Variants in ZNF385D observed in about 807,000 individuals in gnomAD.
The protein encoded by ZNF385D is zinc finger protein 659.
Under a neutral mutation model 35.8 loss-of-function variants are expected in ZNF385D, and 15 were observed. The observed-to-expected ratio is 0.42, with a 90% confidence interval of 0.28 to 0.64. The LOEUF is 0.64. ZNF385D is among the 30% of genes least tolerant of loss of function. ZNF385D has a pLI of 0.23. For missense variants in ZNF385D, 474 were observed against 494.6 expected, an observed-to-expected ratio of 0.96 and a Z score of 0.39; for synonymous variants, 212 against 186.8, an observed-to-expected ratio of 1.13 and a Z score of -1.10.
At chr3:21,653,796 G>C (rs1053127739) in intron 2 of ZNF385D, among the ~76,000 whole-genome samples, 1 of 151,748 alleles carries the variant, frequency 6.6e-6, no homozygotes, top group Non-Finnish European at 1.5e-5. Flanking sequence ...TTTCTTTATA[G>C]AGCTCCAAAA....
At chr3:22,025,866 G>A (rs1697511151) in intron 3 of ZNF385D, among the ~76,000 whole-genome samples, 1 of 152,190 alleles carries the variant, frequency 6.6e-6, no homozygotes, top group African/African-American at 2.4e-5. Flanking sequence ...GCTCTTCTCT[G>A]TATGTCAGAT....
chr3:21,750,049 G>A (rs2069984777), intron 1 of ZNF385D, among the ~76,000 whole-genome samples: 1 of 152,214 alleles, frequency 6.6e-6, no homozygotes, highest in African/African-American at 2.4e-5. Flanking sequence ...AGGACTTACA[G>A]AAGGAAAGCA....
intron 2 of ZNF385D, among the ~76,000 whole-genome samples, chr3:21,572,597 C>G (rs571145658): frequency 6.6e-6 from 1 of 152,108 alleles, no homozygotes; most frequent in South Asian, 2.1e-4. Context: ...AGAGTTTCCC[C>G]GGGCCCTTGG....
At chr3:21,614,873 C>T (rs571243374) in intron 2 of ZNF385D, among the ~76,000 whole-genome samples, 133 of 152,286 alleles carry the variant, frequency 8.7e-4, no homozygotes, top group African/African-American at 3.2e-3. Context: ...AGGCATAAGC[C>T]ATCGTGCCCG....
chr3:21,812,645 G>T (rs1459839668), intron 3 of ZNF385D, among the ~76,000 whole-genome samples: 1 of 152,228 alleles, frequency 6.6e-6, no homozygotes, highest in East Asian at 1.9e-4. Flanking sequence ...GCAAGGCTGG[G>T]GGAGGGGAGT....
At chr3:21,951,046 ATTAAAC>A (rs1254699550) in intron 3 of ZNF385D, among the ~76,000 whole-genome samples, 17 of 151,676 alleles carry the variant, frequency 1.1e-4, no homozygotes, top group South Asian at 2.1e-4. Flanking sequence ...TTTGGTTCTC[ATTAAAC>A]TTAAAGTAGT....
intron 2 of ZNF385D, among the ~76,000 whole-genome samples, chr3:21,663,910 TA>T (rs2066314778): frequency 1.6e-5 from 2 of 125,152 alleles, no homozygotes; most frequent in Non-Finnish European, 3.3e-5. Context: ...TATATATATA[TA>T]TATATATTTA....
intron 3 of ZNF385D, among the ~76,000 whole-genome samples, chr3:22,024,343 C>T (rs149466180): frequency 6.6e-6 from 1 of 151,854 alleles, no homozygotes; most frequent in Non-Finnish European, 1.5e-5. Context: ...GATAGGATAC[C>T]TATATATCCT....
At chr3:21,687,063 G>A (rs1047284577) in intron 1 of ZNF385D, among the ~76,000 whole-genome samples, 6 of 152,258 alleles carry the variant, frequency 3.9e-5, no homozygotes, top group Non-Finnish European at 8.8e-5. Context: ...TCCTGCCCTG[G>A]CTCTCTGGTA....
intron 3 of ZNF385D, chr3:21,878,170 T>C (rs1698081404): frequency 6.6e-6 from 1 of 151,996 alleles, no homozygotes; most frequent in Admixed American, 6.6e-5. Flanking sequence ...TGAGGAGATA[T>C]TATTACTACG....
Position 21,508,029 on chromosome 3 carries a change from G to GT in ZNF385D, c.439+2831dup, listed in dbSNP as rs368025826. ...TTTGTTTGTTTTTTTGTTTTGTTTT[G>GT]TTTTTTCCTGATATAGGTCCTCATG... On this transcript the variant is annotated intron_variant, in intron 4 of 7. Coordinates refer to ENST00000281523, the MANE Select transcript of ZNF385D (RefSeq NM_024697.3). 2.0e-3 allele frequency among the ~76,000 whole-genome samples: 311 copies of GT among 152,030 alleles called. 1 individual carries two copies. Among genetic ancestry groups the GT allele is most frequent in the African/African-American group, 7.1e-3 (294 of 41,468 alleles).
intron 2 of ZNF385D, among the ~76,000 whole-genome samples, chr3:22,305,500 G>A (rs866112363): frequency 1.3e-4 from 20 of 152,144 alleles, no homozygotes; most frequent in Non-Finnish European, 2.2e-4. Flanking sequence ...TACAGTCAGC[G>A]TTGGGCTCTG....
In ZNF385D at chr3:21,416,791, G is replaced by A. The variant is rs550279380; in HGVS notation, c.*4423C>T. 3 of 152,102 alleles carry A rather than the reference G, an allele frequency of 2.0e-5. No homozygotes were observed. Among genetic ancestry groups the A allele is most frequent in the Admixed American group, 6.6e-5 (1 of 15,262 alleles). The allele number at this position is 152,102 out of a possible 1,614,324, so 9.4% of individuals were successfully genotyped here. ...ACCATTAGTTAAAATACATGCAAAC[G>A]CAGGACAGAATTAGTTATGGCTTAG... On this transcript the variant is annotated 3_prime_UTR_variant, in exon 8 of 8. Coordinates refer to ENST00000281523, the MANE Select transcript of ZNF385D (RefSeq NM_024697.3).
At chr3:21,875,906 A>T (rs1471656269) in intron 3 of ZNF385D, among the ~76,000 whole-genome samples, 2 of 152,158 alleles carry the variant, frequency 1.3e-5, no homozygotes, top group Non-Finnish European at 2.9e-5. Context: ...AAGAATTGAA[A>T]TTGCAACTAG....
chr3:22,226,996 G>A (rs1698597773), intron 2 of ZNF385D, among the ~76,000 whole-genome samples: 1 of 152,140 alleles, frequency 6.6e-6, no homozygotes, highest in South Asian at 2.1e-4. Flanking sequence ...TACTCATGGT[G>A]TGATTCAAGC....
chr3:21,460,329 T>A (rs1464763876), intron 4 of ZNF385D, among the ~76,000 whole-genome samples: 1 of 152,186 alleles, frequency 6.6e-6, no homozygotes, highest in Non-Finnish European at 1.5e-5. Context: ...ATCTAACTCT[T>A]TGTGTGTTTA....
chr3:22,056,577 C>CA (rs113300683), intron 3 of ZNF385D, among the ~76,000 whole-genome samples: 1,674 of 152,118 alleles, frequency 0.011, 30 homozygotes, highest in African/African-American at 0.038. Context: ...TGGTTCTGAC[C>CA]AAAAAACAAA....
At chr3:21,731,365 G>A (rs868741967) in intron 1 of ZNF385D, among the ~76,000 whole-genome samples, 1 of 151,836 alleles carries the variant, frequency 6.6e-6, no homozygotes, top group African/African-American at 2.4e-5. Flanking sequence ...GCAGTTTTAG[G>A]CTCACAGCCA....
chr3:22,239,401 A>G (rs962502854), intron 2 of ZNF385D, among the ~76,000 whole-genome samples: 2 of 151,110 alleles, frequency 1.3e-5, no homozygotes, highest in Non-Finnish European at 2.9e-5. Context: ...CTTGTTTTAA[A>G]GTGTCCTAAG....
Sources: gnomAD v4.1 joint callset for allele counts (sites outside exome capture counted in the v4.1 genomes callset) on GRCh38, gnomAD v4.1.1 for gene constraint, MANE v1.5 for transcripts, NCBI Gene and HGNC (gene_info 2026-07-23, HGNC 2026-07-21) for gene names.